Variants in CSMD3 observed in about 807,000 individuals in gnomAD.
The protein encoded by CSMD3 is CUB and Sushi multiple domains 3, also known as CUB and sushi domain-containing protein 3.
Under a neutral mutation model 435.2 loss-of-function variants are expected in CSMD3, and 177 were observed. That is an observed-to-expected ratio of 0.41 (90% CI 0.36 to 0.46). CSMD3 has a LOEUF of 0.46. CSMD3 is among the 20% of genes least tolerant of loss of function. The pLI is 0.34. For synonymous variants in CSMD3, 1,656 were observed against 1,520.5 expected (o/e 1.09, Z -2.07); for missense variants, 4,265 against 4,504.6 (o/e 0.95, Z 1.52).
intron 22 of CSMD3, among the ~76,000 whole-genome samples, chr8:112,632,189 T>C (rs1210177435): frequency 6.6e-6 from 1 of 152,066 alleles, no homozygotes; most frequent in East Asian, 1.9e-4. Flanking sequence ...GTTACAATGA[T>C]AGTACAGACA....
At chr8:112,395,513 C>A (rs1180884393) in intron 35 of CSMD3, among the ~76,000 whole-genome samples, 1 of 151,924 alleles carries the variant, frequency 6.6e-6, no homozygotes, top group African/African-American at 2.4e-5. Flanking sequence ...CAGGTGTTGC[C>A]ATGGAGACTT....
chr8:112,503,297 G>C (rs2130911850), intron 30 of CSMD3, among the ~76,000 whole-genome samples: 1 of 152,192 alleles, frequency 6.6e-6, no homozygotes, highest in Non-Finnish European at 1.5e-5. Context: ...TTCTTAGGCT[G>C]GTCTCAAATT....
intron 4 of CSMD3, among the ~76,000 whole-genome samples, chr8:113,121,439 C>T (rs369350931): frequency 6.6e-6 from 1 of 152,094 alleles, no homozygotes; most frequent in South Asian, 2.1e-4. Flanking sequence ...TTAAATGCTA[C>T]TAATGAGGTG....
At chr8:112,646,841 T>C (rs1488823075) in intron 19 of CSMD3, among the ~76,000 whole-genome samples, 2 of 152,188 alleles carry the variant, frequency 1.3e-5, no homozygotes, top group Non-Finnish European at 2.9e-5. Context: ...TAAGCTTTTT[T>C]TATAAGATGA....
chr8:113,110,275 T>C (rs1420735319), intron 4 of CSMD3, among the ~76,000 whole-genome samples: 1 of 152,228 alleles, frequency 6.6e-6, no homozygotes, highest in African/African-American at 2.4e-5. Flanking sequence ...CACTTCCCTT[T>C]ATTAAAAATT....
intron 10 of CSMD3, among the ~76,000 whole-genome samples, chr8:112,919,997 G>C (rs899744669): frequency 6.6e-6 from 1 of 151,802 alleles, no homozygotes; most frequent in African/African-American, 2.4e-5. Flanking sequence ...AGAAGAGCTA[G>C]AGAGAACTCG....
chr8:112,465,331 G>A (rs58830898), intron 32 of CSMD3, among the ~76,000 whole-genome samples: 1 of 152,052 alleles, frequency 6.6e-6, no homozygotes, highest in Non-Finnish European at 1.5e-5. Context: ...TCACTGATTT[G>A]AATCATATGT....
chr8:112,243,450 T>A (rs773161625), intron 65 of CSMD3, among the ~76,000 whole-genome samples: 3 of 152,270 alleles, frequency 2.0e-5, no homozygotes, highest in African/African-American at 7.2e-5. Context: ...TCTGGCATTA[T>A]AACCCTTTTC....
intron 13 of CSMD3, among the ~76,000 whole-genome samples, chr8:112,787,497 C>T (rs57119426): frequency 0.38 from 57,454 of 151,818 alleles, 12,195 homozygotes; most frequent in African/African-American, 0.58. Flanking sequence ...CCATATTTGT[C>T]GCAGCACTAT....
intron 3 of CSMD3, among the ~76,000 whole-genome samples, chr8:113,255,468 AAAT>A (rs1253526406): frequency 3.3e-5 from 5 of 152,108 alleles, no homozygotes; most frequent in Non-Finnish European, 5.9e-5. Flanking sequence ...TTTTATAGAA[AAAT>A]AATGACAAAA....
At chr8:112,414,673 T>C (rs917420704) in intron 32 of CSMD3, among the ~76,000 whole-genome samples, 1 of 152,090 alleles carries the variant, frequency 6.6e-6, no homozygotes, top group Admixed American at 6.6e-5. Flanking sequence ...TTTTGAGGGC[T>C]CAGAAGACAG....
At chr8:112,898,277 T>A (rs867374337) in intron 10 of CSMD3, among the ~76,000 whole-genome samples, 1 of 151,156 alleles carries the variant, frequency 6.6e-6, no homozygotes, top group Non-Finnish European at 1.5e-5. Context: ...CCTGAATAAT[T>A]CAGTTTCTCT....
At chr8:112,701,418 T>A (rs2076385835) in intron 13 of CSMD3, among the ~76,000 whole-genome samples, 1 of 152,088 alleles carries the variant, frequency 6.6e-6, no homozygotes, top group Admixed American at 6.5e-5. Flanking sequence ...CTGACCACAG[T>A]TATATATGTA....
intron 38 of CSMD3, among the ~76,000 whole-genome samples, chr8:112,365,716 A>G (rs1256374334): frequency 6.6e-6 from 1 of 152,112 alleles, no homozygotes; most frequent in East Asian, 1.9e-4. Context: ...CAACGCACCC[A>G]AACAATCAGG....
At chr8:112,282,223 A>G (rs1277743807) in intron 58 of CSMD3, among the ~76,000 whole-genome samples, 2 of 151,414 alleles carry the variant, frequency 1.3e-5, no homozygotes, top group Non-Finnish European at 2.9e-5. Flanking sequence ...TATCATTTGT[A>G]TAACTGCCGT....
chr8:112,733,998 A>C (rs2077131210), intron 13 of CSMD3, among the ~76,000 whole-genome samples: 1 of 151,920 alleles, frequency 6.6e-6, no homozygotes, highest in Admixed American at 6.6e-5. Flanking sequence ...TTTTCTTTTG[A>C]TATTGCTTAG....
intron 13 of CSMD3, among the ~76,000 whole-genome samples, chr8:112,734,315 A>C (rs2077139150): frequency 6.6e-6 from 1 of 151,762 alleles, no homozygotes; most frequent in African/African-American, 2.4e-5. Context: ...GAGGATGTTA[A>C]ATTTCTCTTT....
intron 6 of CSMD3, among the ~76,000 whole-genome samples, chr8:113,015,838 T>C (rs1443433093): frequency 2.0e-5 from 3 of 151,854 alleles, no homozygotes; most frequent in Non-Finnish European, 1.5e-5. Flanking sequence ...TAGAGTTTAG[T>C]TTATACTAAT....
chr8:113,386,099 G>A (rs1199777431), intron 1 of CSMD3, among the ~76,000 whole-genome samples: 2 of 152,092 alleles, frequency 1.3e-5, no homozygotes, highest in South Asian at 2.1e-4. Flanking sequence ...TGCAGTTTAA[G>A]AAATATTGTG....
Sources: gnomAD v4.1 joint callset for allele counts (sites outside exome capture counted in the v4.1 genomes callset) on GRCh38, gnomAD v4.1.1 for gene constraint, MANE v1.5 for transcripts, NCBI Gene and HGNC (gene_info 2026-07-23, HGNC 2026-07-21) for gene names.